Variants in VGLL4 observed in about 807,000 individuals in gnomAD.
VGLL4 encodes the protein vestigial like family member 4.
VGLL4 carries 7 observed loss-of-function variants against 21.0 expected under a neutral mutation model. That is an observed-to-expected ratio of 0.33 (90% CI 0.19 to 0.63). The LOEUF is 0.63. Ranked by LOEUF, VGLL4 falls within the 20% of genes least tolerant of loss-of-function variation. The pLI is 0.78. For missense variants in VGLL4, 394 were observed against 425.7 expected, an observed-to-expected ratio of 0.93 and a Z score of 0.66; for synonymous variants, 222 against 173.2, an observed-to-expected ratio of 1.28 and a Z score of -2.21.
At chr3:11,673,884 C>T (rs1459758108) in intron 2 of VGLL4, among the ~76,000 whole-genome samples, 3 of 151,696 alleles carry the variant, frequency 2.0e-5, no homozygotes, top group Non-Finnish European at 4.4e-5. Context: ...GTGGTAGCGG[C>T]GCCTATAATC....
chr3:11,626,385 C>T (rs1241521059), intron 1 of VGLL4: 1 of 456,874 alleles, frequency 2.2e-6, no homozygotes, highest in South Asian at 1.5e-5. Context: ...ATCCAAGTGC[C>T]ACTCTTTTCT....
intron 2 of VGLL4, among the ~76,000 whole-genome samples, chr3:11,671,745 C>A (rs1207385385): frequency 6.6e-6 from 1 of 151,720 alleles, no homozygotes; most frequent in Non-Finnish European, 1.5e-5. Flanking sequence ...ATAACTTCAA[C>A]TGGGAAAATT....
Position 11,715,342 on chromosome 3 carries a change from TTTA to T in VGLL4, c.-14+5049_-14+5051del, listed in dbSNP as rs556682140. ...TCAGTAAATATTATTGGTTCTTTTT[TTTA>T]TTTTTTGAGATGGAGCCTTGATCTG... is the stretch of plus-strand genomic sequence containing the variant. On this transcript the variant is annotated intron_variant, in intron 1 of 5. Transcript: ENST00000273038. Among the ~76,000 whole-genome samples the T allele has an allele frequency of 2.0e-3, 306 of 152,218 alleles. 2 individuals carry two copies. The highest frequency in any genetic ancestry group is 6.9e-3 in the African/African-American group (287 of 41,552).
chr3:11,687,129 T>C (rs1218916121), intron 2 of VGLL4, among the ~76,000 whole-genome samples: 1 of 152,230 alleles, frequency 6.6e-6, no homozygotes. Flanking sequence ...TGTTTTAATG[T>C]CTGATATTAA....
intron 1 of VGLL4, chr3:11,610,733 A>AACAACAGC (rs1286896197): frequency 6.6e-6 from 1 of 152,236 alleles, no homozygotes; most frequent in Non-Finnish European, 1.5e-5. Flanking sequence ...AGCACAATAA[A>AACAACAGC]ACTGGTAGAA....
At position 11,565,098 on chromosome 3, in the gene VGLL4, G is replaced by T; in HGVS notation, c.273-79C>A. ...AGTGACTGTGCGCCAGGCACTCCGT[G>T]TTGCTTATTTAATTTTTTACCCTGA... is the stretch of plus-strand genomic sequence containing the variant. On this transcript the variant is annotated intron_variant, in intron 2 of 4. Coordinates refer to ENST00000430365, the MANE Select transcript of VGLL4 (RefSeq NM_001128219.3). The surrounding 1 kb of genome is among the most constrained non-coding windows in gnomAD (Gnocchi z 4.1). The T allele has an allele frequency of 7.7e-7, 1 of 1,304,414 alleles. No individual in the cohort carries two copies. Among genetic ancestry groups the T allele is most frequent in the Non-Finnish European group, 1.0e-6 (1 of 997,954 alleles). The allele number at this position is 1,304,414 out of a possible 1,614,324, so 80.8% of individuals were successfully genotyped here. A position where few individuals can be genotyped will look rare whatever the true frequency, so the allele number is the denominator to read the frequency against.
At chr3:11,717,547 T>A (rs933173766) in intron 1 of VGLL4, among the ~76,000 whole-genome samples, 2 of 147,088 alleles carry the variant, frequency 1.4e-5, no homozygotes, top group African/African-American at 5.1e-5. Flanking sequence ...CTCTCTGTTG[T>A]CCAGGCTGGT....
intron 1 of VGLL4, among the ~76,000 whole-genome samples, chr3:11,611,147 C>T (rs562773554): frequency 3.6e-4 from 15 of 41,570 alleles, no homozygotes; most frequent in Admixed American, 1.6e-3. Context: ...GGGGAGGGGG[C>T]GGGAGGAAGG....
At chr3:11,701,207 G>C (rs1367419740) in intron 2 of VGLL4, among the ~76,000 whole-genome samples, 1 of 152,138 alleles carries the variant, frequency 6.6e-6, no homozygotes, top group Non-Finnish European at 1.5e-5. Flanking sequence ...TGATGAGTGA[G>C]TTCTCACTCT....
chr3:11,625,288 C>T (rs1191597658), intron 1 of VGLL4, among the ~76,000 whole-genome samples: 1 of 152,156 alleles, frequency 6.6e-6, no homozygotes, highest in Non-Finnish European at 1.5e-5. Flanking sequence ...TAGTAGGCCT[C>T]CTAAATAGGA....
At chr3:11,588,071 G>A (rs2074401169) in intron 2 of VGLL4, among the ~76,000 whole-genome samples, 1 of 152,230 alleles carries the variant, frequency 6.6e-6, no homozygotes, top group South Asian at 2.1e-4. Flanking sequence ...TATACTAAGT[G>A]GTGCCACTCA....
chr3:11,663,728 A>C (rs550658275), intron 2 of VGLL4, among the ~76,000 whole-genome samples: 143 of 152,336 alleles, frequency 9.4e-4, no homozygotes, highest in African/African-American at 3.2e-3. Flanking sequence ...AAAATAAAAA[A>C]GTAAAATAAA....
intron 2 of VGLL4, among the ~76,000 whole-genome samples, chr3:11,679,508 C>T (rs1278016580): frequency 6.6e-6 from 1 of 152,066 alleles, no homozygotes; most frequent in Non-Finnish European, 1.5e-5. Flanking sequence ...CATGGTGAAA[C>T]CCCGTCTCTA....
At chr3:11,635,973 G>T (rs1014720940) in intron 1 of VGLL4, among the ~76,000 whole-genome samples, 1 of 152,146 alleles carries the variant, frequency 6.6e-6, no homozygotes, top group African/African-American at 2.4e-5. Flanking sequence ...TCTTTCTGGG[G>T]TCAGCCAATA....
At chr3:11,691,025 T>C (rs560343449) in intron 2 of VGLL4, among the ~76,000 whole-genome samples, 29 of 152,110 alleles carry the variant, frequency 1.9e-4, no homozygotes, top group Admixed American at 1.6e-3. Flanking sequence ...TATACACGTA[T>C]CTAAATCTCC....
intron 2 of VGLL4, among the ~76,000 whole-genome samples, chr3:11,667,258 C>T (rs1313813581): frequency 2.0e-5 from 3 of 152,256 alleles, no homozygotes; most frequent in Admixed American, 2.0e-4. Flanking sequence ...GACTGAGTGA[C>T]AGGTTACAGA....
At chr3:11,642,659 G>C (rs181248701) in intron 1 of VGLL4, among the ~76,000 whole-genome samples, 1 of 152,220 alleles carries the variant, frequency 6.6e-6, no homozygotes, top group Non-Finnish European at 1.5e-5. Context: ...TTAAGAAATA[G>C]ATTTTTCTCT....
chr3:11,656,914 G>A (rs2075967281), intron 2 of VGLL4, among the ~76,000 whole-genome samples: 1 of 152,184 alleles, frequency 6.6e-6, no homozygotes, highest in Admixed American at 6.5e-5. Flanking sequence ...TGGAAAGGAA[G>A]GACTGACCCG....
intron 2 of VGLL4, among the ~76,000 whole-genome samples, chr3:11,600,227 T>G (rs1402008567): frequency 2.0e-5 from 3 of 152,192 alleles, no homozygotes; most frequent in African/African-American, 4.8e-5. Context: ...ATGACAAGGA[T>G]ATCACTGTCA....
Sources: gnomAD v4.1 joint callset for allele counts (sites outside exome capture counted in the v4.1 genomes callset) on GRCh38, gnomAD v4.1.1 for gene constraint, Gnocchi (gnomAD v3.1) non-coding constraint, MANE v1.5 for transcripts, NCBI Gene and HGNC (gene_info 2026-07-23, HGNC 2026-07-21) for gene names.